Variants in SEMA3A observed in about 807,000 individuals in gnomAD.
SEMA3A encodes the protein semaphorin-3A.
In SEMA3A, 29 loss-of-function variants were observed where a neutral mutation model predicts 97.9. The ratio of observed to expected loss-of-function variants is 0.30; its 90% CI spans 0.22 to 0.40. The LOEUF is 0.40. SEMA3A is among the 10% of genes least tolerant of loss of function. The pLI is 1.00. For missense variants in SEMA3A, 763 were observed against 951.3 expected (o/e 0.80, Z 2.60); for synonymous variants, 321 against 323.7 (o/e 0.99, Z 0.09).
intron 4 of SEMA3A, among the ~76,000 whole-genome samples, chr7:84,073,553 C>T (rs190134494): frequency 6.6e-5 from 10 of 152,156 alleles, no homozygotes; most frequent in Admixed American, 4.6e-4. Flanking sequence ...AGTCTGTATT[C>T]AGAAGGTGCC....
In SEMA3A at chr7:84,078,491, C is replaced by G. The variant is rs562311576; in HGVS notation, c.454-17933G>C. Among the ~76,000 whole-genome samples the G allele has an allele frequency of 7.3e-4, 111 of 152,172 alleles. 1 individual carries two copies. The highest frequency in any genetic ancestry group is 2.6e-3 in the African/African-American group (106 of 41,518). Reference sequence around the variant, plus strand: ...TCATTTGATCTCCAAAACTATCCTGCATTTATCTTCTAAATACTTGCCATT... The same window carrying G: ...TCATTTGATCTCCAAAACTATCCTGGATTTATCTTCTAAATACTTGCCATT... On this transcript the variant is annotated intron_variant, in intron 4 of 16. Transcript: ENST00000265362.
intron 2 of SEMA3A, among the ~76,000 whole-genome samples, chr7:84,339,997 G>T (rs982753433): frequency 6.6e-6 from 1 of 151,760 alleles, no homozygotes; most frequent in African/African-American, 2.4e-5. Flanking sequence ...AAACAGTCAG[G>T]GAGGATTAAA....
chr7:84,086,604 A>ATAATATATTATTATATTATATTTAC (rs1382445049), intron 4 of SEMA3A, among the ~76,000 whole-genome samples: 14 of 141,492 alleles, frequency 9.9e-5, no homozygotes, highest in African/African-American at 1.8e-4. Flanking sequence ...TTATATTTAT[A>ATAATATATTATTATATTATATTTAC]ATCCTCACAA....
intron 13 of SEMA3A, among the ~76,000 whole-genome samples, chr7:83,984,734 T>G (rs960816243): frequency 7.3e-5 from 11 of 151,338 alleles, no homozygotes; most frequent in Non-Finnish European, 1.6e-4. Context: ...TACACAGTAT[T>G]TAGAAGCAAT....
intron 3 of SEMA3A, among the ~76,000 whole-genome samples, chr7:84,121,111 G>GAA (rs1187059017): frequency 3.8e-5 from 2 of 52,424 alleles, no homozygotes; most frequent in East Asian, 2.9e-3. Context: ...TCCAGAGGGA[G>GAA]ACACTCTGTT....
rs115245902 is a variant in SEMA3A at position 84,087,024 on chromosome 7, C to T, written c.453+23446G>A. On this transcript the variant is annotated intron_variant, in intron 4 of 16. Transcript: ENST00000265362. ...TGTCTTTCTACTATTTTGTAATATT[C>T]GAAATGATTTGTAAAGAACATTCTC... 3.9e-3 allele frequency among the ~76,000 whole-genome samples: 590 copies of T among 152,088 alleles called. 3 individuals carry two copies. Among genetic ancestry groups the T allele is most frequent in the African/African-American group, 0.014 (563 of 41,512 alleles).
intron 3 of SEMA3A, among the ~76,000 whole-genome samples, chr7:84,278,996 G>T (rs971236853): frequency 6.6e-6 from 1 of 151,966 alleles, no homozygotes; most frequent in Non-Finnish European, 1.5e-5. Context: ...TAAAATAGGT[G>T]TTCTTTTACT....
chr7:84,134,842 C>T lies in SEMA3A; in HGVS notation c.222G>A (p.Lys74=), dbSNP rs776507889. The change falls in exon 2 of 17, where the codon AAG becomes AAA. Residue 74 remains lysine (K), a synonymous_variant. Transcript: ENST00000265362. ...EERSRLYVGA[K]DHIFSFDLVN... is the part of the protein sequence containing the mutation. ...CCAGGTCGAATGAAAATATGTGATC[C>T]TTTGCTCCAACATACAGCCTACTCC... The T allele has an allele frequency of 2.5e-6, 4 of 1,613,238 alleles. No homozygotes were observed. Among genetic ancestry groups the T allele is most frequent in the Non-Finnish European group, 3.4e-6 (4 of 1,179,648 alleles).
upstream of SEMA3A, among the ~76,000 whole-genome samples, chr7:84,197,113 T>G (rs80344498): frequency 6.8e-3 from 1,042 of 152,230 alleles, 48 homozygotes; most frequent in East Asian, 0.13. Flanking sequence ...AGGACAAAGT[T>G]ATTTCATTTC....
intron 2 of SEMA3A, among the ~76,000 whole-genome samples, chr7:84,342,493 G>C (rs115740608): frequency 0.023 from 3,493 of 152,128 alleles, 135 homozygotes; most frequent in African/African-American, 0.079. Context: ...AAGGAATATA[G>C]GCCTTCTAAT....
At chr7:84,137,007 A>AGG (rs1562805421) in intron 1 of SEMA3A, among the ~76,000 whole-genome samples, 7 of 149,986 alleles carry the variant, frequency 4.7e-5, no homozygotes, top group Non-Finnish European at 5.9e-5. Flanking sequence ...GAAGGAAGGA[A>AGG]AAGAGTTTGT....
chr7:84,230,139 T>C (rs1294815005), intron 3 of SEMA3A, among the ~76,000 whole-genome samples: 1 of 152,022 alleles, frequency 6.6e-6, no homozygotes, highest in Non-Finnish European at 1.5e-5. Flanking sequence ...TCCTTTTTTA[T>C]GATATGGCCT....
intron 2 of SEMA3A, among the ~76,000 whole-genome samples, chr7:84,371,152 G>T (rs952272207): frequency 1.3e-5 from 2 of 151,674 alleles, no homozygotes; most frequent in Non-Finnish European, 3.0e-5. Flanking sequence ...TATTAGGTTT[G>T]TGCAAATAGA....
chr7:83,957,772 A>G lies in SEMA3A; in HGVS notation c.*3599T>C, dbSNP rs1340751423. 1.3e-5 allele frequency: 2 copies of G among 152,098 alleles called. No individual in the cohort carries two copies. The highest frequency in any genetic ancestry group is 2.9e-5 in the Non-Finnish European group (2 of 67,984). The allele number at this position is 152,098 out of a possible 1,614,324, so 9.4% of individuals were successfully genotyped here. On this transcript the variant is annotated 3_prime_UTR_variant, in exon 17 of 17. Transcript: ENST00000265362. ...GAAACATGTATTTGCAAACATTAACATTGACTTCAAATAATTATTACAAAT... is the reference window on the plus strand; with the variant it reads ...GAAACATGTATTTGCAAACATTAACGTTGACTTCAAATAATTATTACAAAT...
chr7:84,344,534 A>G (rs1339926698), intron 2 of SEMA3A, among the ~76,000 whole-genome samples: 1 of 152,120 alleles, frequency 6.6e-6, no homozygotes, highest in African/African-American at 2.4e-5. Context: ...ATGCAGCTAG[A>G]CTTTGCTGGT....
intron 13 of SEMA3A, among the ~76,000 whole-genome samples, chr7:83,982,145 T>C (rs1344346515): frequency 6.6e-6 from 1 of 151,866 alleles, no homozygotes; most frequent in Non-Finnish European, 1.5e-5. Flanking sequence ...GGAAAAAGCA[T>C]AGGGTTGAGC....
rs113455349 is a variant in SEMA3A, at chr7:84,311,000, T to TTTTA, written c.-168-3709_-168-3708insTAAA. ...TGATTTTTATTAGAATTAGTAGATG[T>TTTTA]TATATATATATATATATTTCTAATG... is the stretch of plus-strand genomic sequence containing the variant. On this transcript the variant is annotated intron_variant, in intron 2 of 3. Transcript: ENST00000424555. 1.1e-4 allele frequency among the ~76,000 whole-genome samples: 17 copies of TTTTA among 148,670 alleles called. No homozygotes were observed. In the East Asian group the frequency reaches 1.2e-3, roughly 10 times the overall value.
At chr7:83,991,858 T>C (rs1166353239) in intron 12 of SEMA3A, among the ~76,000 whole-genome samples, 4 of 144,904 alleles carry the variant, frequency 2.8e-5, no homozygotes, top group Non-Finnish European at 6.0e-5. Flanking sequence ...GAGGATTCCC[T>C]CTTTTTCTAT....
chr7:84,332,224 A>C (rs1801925097), intron 2 of SEMA3A, among the ~76,000 whole-genome samples: 2 of 152,146 alleles, frequency 1.3e-5, no homozygotes, highest in Non-Finnish European at 2.9e-5. Flanking sequence ...AGAATATTAC[A>C]AATAAACCCA....
Sources: allele counts gnomAD v4.1 joint callset (sites outside exome capture counted in the v4.1 genomes callset), GRCh38; gene constraint gnomAD v4.1.1; transcripts MANE v1.5; gene names NCBI Gene and HGNC (gene_info 2026-07-23, HGNC 2026-07-21).